LRRK2: variants seen among roughly 807,000 people sequenced by gnomAD.
The protein encoded by LRRK2 is leucine rich repeat kinase 2.
In LRRK2, 203 loss-of-function variants were observed where a neutral mutation model predicts 302.6. That is an observed-to-expected ratio of 0.67 (90% CI 0.60 to 0.75). LRRK2 has a LOEUF of 0.75. Ranked by LOEUF, LRRK2 falls within the 30% of genes least tolerant of loss-of-function variation. The probability of loss-of-function intolerance (pLI) is 0.00; values close to 1 mark genes in which losing one functional copy is unlikely to be tolerated. For synonymous variants in LRRK2, 1,066 were observed against 1,031.9 expected, an observed-to-expected ratio of 1.03 and a Z score of -0.63; for missense variants, 2,830 against 2,951.0, an observed-to-expected ratio of 0.96 and a Z score of 0.95.
In LRRK2 at chr12:40,305,765, C is replaced by T. The variant is rs979967103; in HGVS notation, c.3778-20C>T. On this transcript the variant is annotated intron_variant, in intron 27 of 50. Transcript: ENST00000298910. ...TCTTCCTTCCCACCAACAGGTTTTG[C>T]CCTTTTTTTTCCCATTAAGATTCCT... The T allele has an allele frequency of 6.2e-7, 1 of 1,611,822 alleles. No homozygotes were observed.
At position 40,359,259 on chromosome 12, in the gene LRRK2, G is replaced by A; in HGVS notation, c.6844-1G>A. ...TGTGTTTTCTTTTTTTTTTGGCAAA[G>A]CTTAAAGGAGCTGCTCCTTTGAAGA... On this transcript the variant is annotated splice_acceptor_variant, in intron 46 of 50. Coordinates refer to ENST00000298910, the MANE Select transcript of LRRK2 (RefSeq NM_198578.4). LOFTEE classifies it high-confidence loss of function. 6.2e-7 allele frequency: 1 copy of A among 1,602,010 alleles called. No homozygotes were observed.
At position 40,284,060 on chromosome 12, in the gene LRRK2, T is replaced by C. The variant is rs748639429; in HGVS notation, c.2427T>C (p.Cys809=). 1 of 1,613,658 alleles carries C rather than the reference T, an allele frequency of 6.2e-7. No individual in the cohort carries two copies. The change falls in exon 19 of 51, where the codon TGT becomes TGC. Residue 809 remains cysteine (C), a synonymous_variant. Coordinates refer to ENST00000298910, the MANE Select transcript of LRRK2 (RefSeq NM_198578.4). The part of the protein sequence containing the change: ...ANNSICLGGF[C]IGKVEPSWLG... Reference sequence around the variant, plus strand: ...ATAGCATTTGCCTTGGAGGATTTTGTATAGGAAAAGTTGAACCTTCTTGGC... The same window carrying C: ...ATAGCATTTGCCTTGGAGGATTTTGCATAGGAAAAGTTGAACCTTCTTGGC...
intron 33 of LRRK2, among the ~76,000 whole-genome samples, chr12:40,318,255 T>A (rs1945287230): frequency 6.6e-6 from 1 of 152,038 alleles, no homozygotes; most frequent in African/African-American, 2.4e-5. Context: ...TCTATATGAA[T>A]AGCACCTATG....
In LRRK2 at chr12:40,367,092, G is replaced by T. The variant is rs200420425; in HGVS notation, c.7462+15G>T. 1.3e-6 allele frequency: 2 copies of T among 1,595,374 alleles called. No individual in the cohort carries two copies. Among genetic ancestry groups the T allele is most frequent in the South Asian group, 1.1e-5 (1 of 90,650 alleles). ...AAAGCAGAAAGGTAACATTTAGAAG[G>T]ATACTGTTTTCCAAACAGGGCAATG... On this transcript the variant is annotated intron_variant, in intron 50 of 50. Coordinates refer to ENST00000298910, the MANE Select transcript of LRRK2 (RefSeq NM_198578.4).
chr12:40,344,488 C>A lies in LRRK2; in HGVS notation c.6110-2265C>A, dbSNP rs75846146. ...TTATTTTTAAGTACTCTTGACTTTG[C>A]TGTTCATTATCTGTGTGGCCTTAGG... On this transcript the variant is annotated intron_variant, in intron 41 of 50. Coordinates refer to ENST00000298910, the MANE Select transcript of LRRK2 (RefSeq NM_198578.4). Among the ~76,000 whole-genome samples the A allele has an allele frequency of 5.9e-3, 905 of 152,234 alleles. 11 individuals are homozygous for A. The highest frequency in any genetic ancestry group is 0.02 in the African/African-American group (846 of 41,558).
chr12:40,295,580 A>G lies in LRRK2; in HGVS notation c.3032A>G (p.Glu1011Gly), dbSNP rs755644978. Residue 1011 changes from glutamate to glycine, a missense_variant, in exon 23 of 51, where the codon GAG becomes GGG. Glu to Gly is a moderately conservative substitution (Grantham distance 98). This residue lies in a region of LRRK2 where 2,121 missense variants were observed against 2,148.0 expected (regional missense o/e 0.99). Transcript: ENST00000298910. ...SQKCCISVHL[E>G]HLEKLELHQN... ...AAATGCTGTATAAGTGTTCATTTGG[A>G]GCATCTTGAAAAGCTGGAGCTTCAC... 2 of 1,614,068 alleles carry G rather than the reference A, an allele frequency of 1.2e-6. No homozygotes were observed. Among genetic ancestry groups the G allele is most frequent in the South Asian group, 1.1e-5 (1 of 91,084 alleles).
intron 3 of LRRK2, 53 bp from the exon 4 acceptor site, chr12:40,235,573 A>C (rs983076603): frequency 1.0e-5 from 13 of 1,259,682 alleles, no homozygotes; most frequent in Admixed American, 1.7e-5. Context: ...CAAATAAGCA[A>C]ACTTTTGAGT....
At chr12:40,366,021 A>C (rs1408331311) in intron 49 of LRRK2, 1 of 151,932 alleles carries the variant, frequency 6.6e-6, no homozygotes, top group East Asian at 1.9e-4. Flanking sequence ...TAGCTTGCTT[A>C]TAACTGAAGT....
intron 20 of LRRK2, among the ~76,000 whole-genome samples, chr12:40,292,928 C>T (rs1314802281): frequency 6.6e-6 from 1 of 151,362 alleles, no homozygotes; most frequent in South Asian, 2.1e-4. Flanking sequence ...ATTTTAATAC[C>T]ATTCCATAAA....
At chr12:40,269,390 G>A (rs1943144679) in intron 14 of LRRK2, among the ~76,000 whole-genome samples, 1 of 152,226 alleles carries the variant, frequency 6.6e-6, no homozygotes, top group African/African-American at 2.4e-5. Context: ...GTAAATGGAG[G>A]GAATAGCTGG....
At chr12:40,281,295 C>G (rs1238853517) in intron 18 of LRRK2, among the ~76,000 whole-genome samples, 1 of 152,166 alleles carries the variant, frequency 6.6e-6, no homozygotes, top group East Asian at 1.9e-4. Context: ...AAATAACTTG[C>G]CTAAGAACAA....
At chr12:40,267,496 C>A (rs1943067828) in intron 14 of LRRK2, among the ~76,000 whole-genome samples, 1 of 152,148 alleles carries the variant, frequency 6.6e-6, no homozygotes, top group African/African-American at 2.4e-5. Flanking sequence ...AGTTAGCCAA[C>A]ATTCTCTAAA....
At chr12:40,260,355 A>G (rs1942715699) in intron 13 of LRRK2, among the ~76,000 whole-genome samples, 1 of 151,854 alleles carries the variant, frequency 6.6e-6, no homozygotes, top group Admixed American at 6.6e-5. Flanking sequence ...TGGAGGCACA[A>G]ATAATTTCTT....
chr12:40,364,432 G>A (rs1464773010), intron 48 of LRRK2, among the ~76,000 whole-genome samples: 2 of 151,884 alleles, frequency 1.3e-5, no homozygotes, highest in African/African-American at 4.8e-5. Flanking sequence ...TCAGTGGTTT[G>A]TATCGATATC....
chr12:40,326,928 ACTCT>A (rs1046140450), intron 38 of LRRK2, among the ~76,000 whole-genome samples: 5 of 152,196 alleles, frequency 3.3e-5, no homozygotes, highest in African/African-American at 7.2e-5. Context: ...ATTTTAATAT[ACTCT>A]CTCTGAGCAT....
intron 40 of LRRK2, 92 bp downstream of exon 40, chr12:40,335,249 GC>G: frequency 7.7e-7 from 1 of 1,302,686 alleles, no homozygotes; most frequent in Non-Finnish European, 1.1e-6. Flanking sequence ...GTAACACTGT[GC>G]CCCAGTAACA....
At chr12:40,323,698 G>T (rs1945465357) in intron 38 of LRRK2, among the ~76,000 whole-genome samples, 1 of 151,996 alleles carries the variant, frequency 6.6e-6, no homozygotes, top group East Asian at 1.9e-4. Flanking sequence ...CATAGCAGGG[G>T]TTTTATGACT....
chr12:40,335,092 G>A lies in LRRK2; in HGVS notation c.5883G>A (p.Gln1961=), dbSNP rs202180320. The A allele has an allele frequency of 9.3e-6, 15 of 1,613,948 alleles. No homozygotes were observed. The highest frequency in any genetic ancestry group is 1.7e-5 in the Admixed American group (1 of 59,970). Residue 1961 remains glutamine, a synonymous_variant, in exon 40 of 51, where the codon CAG becomes CAA. Transcript: ENST00000298910. ...GTTCCTTGGATCGCCTGCTTCAGCA[G>A]GACAAAGCCAGCCTCACTAGAACCC... ...SKGSLDRLLQ[Q]DKASLTRTLQ...
intron 26 of LRRK2, 73 bp downstream of exon 26, chr12:40,302,955 T>G: frequency 1.9e-6 from 2 of 1,039,154 alleles, no homozygotes; most frequent in South Asian, 1.3e-5. Context: ...GATTTCGATT[T>G]AGTCATATAG....
Sources: gnomAD v4.1 joint callset for allele counts (sites outside exome capture counted in the v4.1 genomes callset) on GRCh38, gnomAD v4.1.1 for gene constraint, gnomAD v4.1.1 regional missense constraint, MANE v1.5 for transcripts, NCBI Gene and HGNC (gene_info 2026-07-23, HGNC 2026-07-21) for gene names.